Variants in GALNT13 observed in about 807,000 individuals in gnomAD.
GALNT13 encodes the protein polypeptide N-acetylgalactosaminyltransferase 13, also known as UDP-GalNAc:polypeptide N-acetylgalactosaminyltransferase 13.
In GALNT13, 28 loss-of-function variants were observed where a neutral mutation model predicts 64.2. The ratio of observed to expected loss-of-function variants is 0.44; its 90% CI spans 0.32 to 0.60. The LOEUF (loss-of-function observed/expected upper bound fraction) is 0.60. Ranked by LOEUF, GALNT13 falls within the 20% of genes least tolerant of loss-of-function variation. The pLI is 0.05. For synonymous variants in GALNT13, 214 were observed against 224.6 expected (o/e 0.95, Z 0.42); for missense variants, 577 against 669.8 (o/e 0.86, Z 1.53).
intron 3 of GALNT13, among the ~76,000 whole-genome samples, chr2:154,113,027 A>G (rs1056257442): frequency 3.9e-5 from 6 of 152,150 alleles, no homozygotes; most frequent in African/African-American, 1.4e-4. Flanking sequence ...TTATGGCTAG[A>G]TGGGTCAGAA....
chr2:153,097,768 A>G, the GALNT13 span, among the ~76,000 whole-genome samples: 3 of 152,142 alleles, frequency 2.0e-5, no homozygotes, highest in Non-Finnish European at 2.9e-5. Flanking sequence ...TCATACAGGC[A>G]TTACATAACA....
intron 3 of GALNT13, among the ~76,000 whole-genome samples, chr2:153,950,707 T>A (rs1692112046): frequency 6.6e-6 from 1 of 152,048 alleles, no homozygotes; most frequent in African/African-American, 2.4e-5. Flanking sequence ...TACAAGGAGA[T>A]CTTATATAGT....
the GALNT13 span, among the ~76,000 whole-genome samples, chr2:153,106,216 A>G: frequency 1.3e-5 from 2 of 152,180 alleles, no homozygotes; most frequent in Admixed American, 6.6e-5. Context: ...GGGAAAGTTC[A>G]TGGCAAAATG....
the GALNT13 span, among the ~76,000 whole-genome samples, chr2:153,833,899 A>G: frequency 3.3e-5 from 5 of 152,034 alleles, no homozygotes; most frequent in Non-Finnish European, 7.4e-5. Context: ...CAAGCTTTCT[A>G]TTCCTTTTTG....
At chr2:154,131,353 TA>T (rs1682605491) in intron 3 of GALNT13, among the ~76,000 whole-genome samples, 1 of 152,182 alleles carries the variant, frequency 6.6e-6, no homozygotes, top group Admixed American at 6.6e-5. Flanking sequence ...TGCTTTTTCC[TA>T]AAAAGGAAAC....
At chr2:153,361,254 A>G in the GALNT13 span, among the ~76,000 whole-genome samples, 2 of 152,164 alleles carry the variant, frequency 1.3e-5, no homozygotes, top group Non-Finnish European at 2.9e-5. Flanking sequence ...ACTCATGAAG[A>G]TAAGAAAGAA....
chr2:153,943,822 T>C (rs899693513), intron 2 of GALNT13, among the ~76,000 whole-genome samples: 5 of 152,178 alleles, frequency 3.3e-5, no homozygotes, highest in Non-Finnish European at 7.4e-5. Flanking sequence ...AATTATCTGT[T>C]CTGCAAGATG....
chr2:154,197,271 C>T (rs1226987565), intron 4 of GALNT13, among the ~76,000 whole-genome samples: 2 of 151,798 alleles, frequency 1.3e-5, no homozygotes, highest in African/African-American at 4.8e-5. Context: ...TTTCTTTAAG[C>T]CAAAAACATG....
At chr2:153,406,163 G>T in the GALNT13 span, among the ~76,000 whole-genome samples, 1 of 152,122 alleles carries the variant, frequency 6.6e-6, no homozygotes, top group Non-Finnish European at 1.5e-5. Context: ...GTGATTTGGG[G>T]AATTTCAGTG....
chr2:154,247,875 G>T (rs867036436), intron 7 of GALNT13, among the ~76,000 whole-genome samples: 1 of 152,056 alleles, frequency 6.6e-6, no homozygotes, highest in Non-Finnish European at 1.5e-5. Context: ...GTGGCAAAAG[G>T]TTAATTAATT....
chr2:153,808,656 G>T, the GALNT13 span, among the ~76,000 whole-genome samples: 1 of 152,142 alleles, frequency 6.6e-6, no homozygotes, highest in African/African-American at 2.4e-5. Context: ...ACTACATGCT[G>T]TCTTTCAAGT....
At chr2:153,810,451 T>C in the GALNT13 span, among the ~76,000 whole-genome samples, 1 of 152,222 alleles carries the variant, frequency 6.6e-6, no homozygotes, top group African/African-American at 2.4e-5. Flanking sequence ...ATAATTATTG[T>C]GGTTTGCTGT....
At chr2:153,537,662 G>A in the GALNT13 span, among the ~76,000 whole-genome samples, 1 of 152,046 alleles carries the variant, frequency 6.6e-6, no homozygotes, top group Non-Finnish European at 1.5e-5. Flanking sequence ...TGGTGGGAAG[G>A]GATTCGCTTG....
rs3078692 is a variant in GALNT13, at chr2:154,225,101, GAGATAGATAGAT to G, written c.312-16896_312-16885del. On this transcript the variant is annotated intron_variant, in intron 4 of 12. Transcript: ENST00000392825. Reference sequence around the variant, plus strand: ...AAAGGACATTCACAACACACATGGAGAGATAGATAGATAGATAGATAGATAGATAGATAGATA... The same window carrying G: ...AAAGGACATTCACAACACACATGGAGAGATAGATAGATAGATAGATAGATA... 4.9e-4 allele frequency among the ~76,000 whole-genome samples: 67 copies of G among 136,218 alleles called. 1 individual carries two copies. In the East Asian group the frequency reaches 5.5e-3, roughly 11 times the overall value. The allele number at this position is 136,218 out of a possible 152,430, so 89.4% of individuals were successfully genotyped here. A position where few individuals can be genotyped will look rare whatever the true frequency, so the allele number is the denominator to read the frequency against.
chr2:153,488,779 G>C, the GALNT13 span, among the ~76,000 whole-genome samples: 1 of 152,174 alleles, frequency 6.6e-6, no homozygotes, highest in Non-Finnish European at 1.5e-5. Context: ...CAAAATTCAG[G>C]TGTTGCTAAT....
chr2:153,628,458 T>G, the GALNT13 span, among the ~76,000 whole-genome samples: 1 of 151,920 alleles, frequency 6.6e-6, no homozygotes, highest in Non-Finnish European at 1.5e-5. Context: ...TTTTTGCCCA[T>G]TCAGTATGAT....
intron 10 of GALNT13, among the ~76,000 whole-genome samples, chr2:154,403,206 A>C (rs541466420): frequency 6.6e-6 from 1 of 152,096 alleles, no homozygotes; most frequent in Non-Finnish European, 1.5e-5. Context: ...GTAACCTAGC[A>C]CTTTGGGAGG....
chr2:153,138,459 C>T, the GALNT13 span, among the ~76,000 whole-genome samples: 1 of 152,030 alleles, frequency 6.6e-6, no homozygotes, highest in Non-Finnish European at 1.5e-5. Flanking sequence ...ATATGCAAGA[C>T]CAAGTTTTCC....
At chr2:154,297,333 G>A (rs1459842355) in intron 8 of GALNT13, among the ~76,000 whole-genome samples, 8 of 152,126 alleles carry the variant, frequency 5.3e-5, no homozygotes, top group Admixed American at 4.6e-4. Flanking sequence ...TGGTGGCCGC[G>A]GAAACAGAGA....
Sources: gnomAD v4.1 joint callset for allele counts (sites outside exome capture counted in the v4.1 genomes callset) on GRCh38, gnomAD v4.1.1 for gene constraint, MANE v1.5 for transcripts, NCBI Gene and HGNC (gene_info 2026-07-23, HGNC 2026-07-21) for gene names.